The following IL23R variants were observed in gnomAD, a reference collection of about 807,000 sequenced individuals.
IL23R encodes interleukin-23 receptor.
In IL23R, 34 loss-of-function variants were observed where a neutral mutation model predicts 56.9. That is an observed-to-expected ratio of 0.60 (90% CI 0.45 to 0.80). The LOEUF is 0.80. IL23R is among the 30% of genes least tolerant of loss of function. IL23R has a pLI of 0.00. For synonymous variants in IL23R, 230 were observed against 249.2 expected, an observed-to-expected ratio of 0.92 and a Z score of 0.73; for missense variants, 635 against 730.0, an observed-to-expected ratio of 0.87 and a Z score of 1.50.
intron 7 of IL23R, among the ~76,000 whole-genome samples, chr1:67,226,714 C>G (rs1650644195): frequency 6.6e-6 from 1 of 152,174 alleles, no homozygotes; most frequent in South Asian, 2.1e-4. Flanking sequence ...GGTGGGACCT[C>G]TGCCAGGGAA....
At chr1:67,184,656 T>TC (rs1030465263) in intron 4 of IL23R, among the ~76,000 whole-genome samples, 1 of 151,744 alleles carries the variant, frequency 6.6e-6, no homozygotes, top group African/African-American at 2.4e-5. Flanking sequence ...CTTTTTTTTT[T>TC]CTGTCACTAA....
chr1:67,171,374 A>G (rs760204047), intron 3 of IL23R, among the ~76,000 whole-genome samples: 4 of 152,158 alleles, frequency 2.6e-5, no homozygotes, highest in Non-Finnish European at 5.9e-5. Context: ...TAAAAAACTG[A>G]TATGTGCTCT....
At chr1:67,183,380 C>T (rs1647188164) in intron 4 of IL23R, among the ~76,000 whole-genome samples, 1 of 152,062 alleles carries the variant, frequency 6.6e-6, no homozygotes, top group Non-Finnish European at 1.5e-5. Flanking sequence ...ACTGAAAATA[C>T]AAAAATTAGC....
At chr1:67,203,841 T>C (rs1379060818) in intron 5 of IL23R, among the ~76,000 whole-genome samples, 1 of 152,142 alleles carries the variant, frequency 6.6e-6, no homozygotes, top group Non-Finnish European at 1.5e-5. Flanking sequence ...CATTAACACT[T>C]GCCAAAAAAG....
intron 5 of IL23R, among the ~76,000 whole-genome samples, chr1:67,201,925 C>T (rs1369981349): frequency 6.6e-6 from 1 of 152,144 alleles, no homozygotes; most frequent in Admixed American, 6.5e-5. Flanking sequence ...GAGATTAACA[C>T]TGTTTTCAGT....
At chr1:67,202,637 A>C (rs570608789) in intron 5 of IL23R, among the ~76,000 whole-genome samples, 3 of 152,194 alleles carry the variant, frequency 2.0e-5, no homozygotes, top group African/African-American at 7.2e-5. Context: ...GCATTAAAAA[A>C]TTTGAGATCA....
At chr1:67,215,092 A>T (rs1275098213) in intron 6 of IL23R, among the ~76,000 whole-genome samples, 1 of 152,126 alleles carries the variant, frequency 6.6e-6, no homozygotes, top group Admixed American at 6.5e-5. Context: ...TGAGCCCTTT[A>T]AAAGGACAGA....
rs141699803 is a variant in IL23R at position 67,210,391 on chromosome 1, G to A, written c.798+3336G>A. 3.2e-3 allele frequency among the ~76,000 whole-genome samples: 491 copies of A among 152,100 alleles called. 2 individuals are homozygous for A. Among genetic ancestry groups the A allele is most frequent in the African/African-American group, 0.011 (463 of 41,512 alleles). ...AAATGCTATTTGATTATTTTTAAGCGTAACAAACTGCCATTTAGTCCAAAT... is the reference window on the plus strand; with the variant it reads ...AAATGCTATTTGATTATTTTTAAGCATAACAAACTGCCATTTAGTCCAAAT... On this transcript the variant is annotated intron_variant, in intron 6 of 10. Coordinates refer to ENST00000347310, the MANE Select transcript of IL23R (RefSeq NM_144701.3).
chr1:67,161,048 A>G (rs888155259), intron 1 of IL23R, among the ~76,000 whole-genome samples: 1 of 152,204 alleles, frequency 6.6e-6, no homozygotes, highest in Non-Finnish European at 1.5e-5. Flanking sequence ...ATAATGTGTC[A>G]CTGTTAACAA....
intron 9 of IL23R, among the ~76,000 whole-genome samples, chr1:67,245,709 G>A (rs1319964144): frequency 6.6e-6 from 1 of 152,172 alleles, no homozygotes; most frequent in Non-Finnish European, 1.5e-5. Flanking sequence ...GATTCCGTTT[G>A]CCAGTATTTT....
downstream of IL23R, among the ~76,000 whole-genome samples, chr1:67,262,241 A>T (rs954585268): frequency 6.6e-6 from 1 of 152,200 alleles, no homozygotes. Context: ...TGGGGCTTAT[A>T]TCCTAGGGGG....
chr1:67,167,073 G>C (rs1052021246), intron 1 of IL23R, among the ~76,000 whole-genome samples: 1 of 152,154 alleles, frequency 6.6e-6, no homozygotes, highest in Middle Eastern at 3.4e-3. Context: ...TGTTCCTTTC[G>C]CGTTCTCTAC....
intron 7 of IL23R, among the ~76,000 whole-genome samples, chr1:67,223,614 T>C (rs1393517479): frequency 6.6e-6 from 1 of 152,184 alleles, no homozygotes; most frequent in African/African-American, 2.4e-5. Flanking sequence ...CCTAAAAACA[T>C]CCACTATTTA....
chr1:67,235,396 CTTT>C (rs9326074), intron 7 of IL23R, among the ~76,000 whole-genome samples: 5,564 of 140,406 alleles, frequency 0.04, 170 homozygotes, highest in Admixed American at 0.088. Context: ...TTTCTTTTTT[CTTT>C]TTTTTTTTTT....
chr1:67,230,610 A>C (rs1223672620), intron 7 of IL23R, among the ~76,000 whole-genome samples: 1 of 152,176 alleles, frequency 6.6e-6, no homozygotes, highest in Non-Finnish European at 1.5e-5. Flanking sequence ...CCTACATACC[A>C]AGTACCTAAA....
At position 67,206,838 on chromosome 1, in the gene IL23R, C is replaced by T. The variant is rs573275033; in HGVS notation, c.653-72C>T. The T allele has an allele frequency of 2.8e-4, 402 of 1,445,946 alleles. 1 individual carries two copies. The South Asian group carries it at 3.9e-3, about 14-fold the overall frequency. The allele number at this position is 1,445,946 out of a possible 1,614,324, so 89.6% of individuals were successfully genotyped here. ...GAGCTTTCTCATATCTAGATATTGA[C>T]GAAAAGATGCCAGTTTCTCCCTAGG... is the stretch of plus-strand genomic sequence containing the variant. On this transcript the variant is annotated intron_variant, in intron 5 of 10. Transcript: ENST00000347310.
At chr1:67,254,096 T>C (rs1263235868) in intron 9 of IL23R, among the ~76,000 whole-genome samples, 1 of 151,962 alleles carries the variant, frequency 6.6e-6, no homozygotes, top group Non-Finnish European at 1.5e-5. Flanking sequence ...TGAGACAGAG[T>C]CTCGCTCTAT....
chr1:67,263,072 ACGTGTGTGTG>A (rs1458826778), downstream of IL23R, among the ~76,000 whole-genome samples: 11 of 147,780 alleles, frequency 7.4e-5, no homozygotes, highest in Non-Finnish European at 1.0e-4. Flanking sequence ...GCAGGTGTGT[ACGTGTGTGTG>A]CGTGTGTGTG....
At chr1:67,148,188 G>A (rs1170394816) in intron 1 of IL23R, among the ~76,000 whole-genome samples, 1 of 152,256 alleles carries the variant, frequency 6.6e-6, no homozygotes, top group African/African-American at 2.4e-5. Context: ...ACACCCTGCC[G>A]GATCCAGAGG....
Sources: gnomAD v4.1 joint callset for allele counts (sites outside exome capture counted in the v4.1 genomes callset) on GRCh38, gnomAD v4.1.1 for gene constraint, MANE v1.5 for transcripts, NCBI Gene and HGNC (gene_info 2026-07-23, HGNC 2026-07-21) for gene names.